The following ADGRV1 variants were observed in gnomAD, a reference collection of about 807,000 sequenced individuals.
ADGRV1 encodes adhesion G protein-coupled receptor V1.
A neutral mutation model predicts 596.2 loss-of-function variants in ADGRV1; 359 were observed. The observed-to-expected ratio is 0.60, with a 90% CI of 0.55 to 0.66. ADGRV1 has a LOEUF of 0.66. Ranked by LOEUF, ADGRV1 falls within the 30% of genes least tolerant of loss-of-function variation. ADGRV1 has a pLI of 0.00. For synonymous variants in ADGRV1, 2,681 were observed against 2,679.2 expected (o/e 1.00, Z -0.02); for missense variants, 7,274 against 7,575.6 (o/e 0.96, Z 1.48).
At chr5:90,595,736 C>T in intron 1 of ADGRV1, among the ~76,000 whole-genome samples, 1 of 136,992 alleles carries the variant, frequency 7.3e-6, no homozygotes, top group Non-Finnish European at 1.6e-5. Context: ...GTAGGGGCGG[C>T]CGGGCAGAGG....
chr5:90,567,384 G>C lies in ADGRV1; in HGVS notation c.22+8467G>C, dbSNP rs1402303129. ...TATATTTTTAAGTTTGTGAAGGGTT[G>C]ATGTTAATTATTCCTTAAACATTTG... On this transcript the variant is annotated intron_variant, in intron 1 of 89. Transcript: ENST00000405460. Among the ~76,000 whole-genome samples, 5 of 152,020 alleles carry C rather than the reference G, an allele frequency of 3.3e-5. No individual in the cohort carries two copies. In the East Asian group the frequency reaches 9.6e-4, roughly 29 times the overall value.
intron 9 of ADGRV1, chr5:90,629,861 C>A (rs1026086521): frequency 5.5e-6 from 1 of 182,966 alleles, no homozygotes; most frequent in Non-Finnish European, 1.1e-5. Context: ...CAGGGGAGGG[C>A]GAGAGAAAGA....
chr5:90,762,933 TG>T (rs144413431), intron 58 of ADGRV1: 4,067 of 160,414 alleles, frequency 0.025, 181 homozygotes, highest in African/African-American at 0.093. Flanking sequence ...CTTGGGGTTA[TG>T]TCCTCTTCTA....
intron 21 of ADGRV1, among the ~76,000 whole-genome samples, chr5:90,660,593 G>A (rs966802697): frequency 1.3e-5 from 2 of 152,132 alleles, no homozygotes; most frequent in African/African-American, 2.4e-5. Context: ...CTCTGGGCTG[G>A]GCACAGTGGC....
intron 87 of ADGRV1, among the ~76,000 whole-genome samples, chr5:91,110,864 G>A (rs913922288): frequency 2.0e-5 from 3 of 151,222 alleles, no homozygotes; most frequent in African/African-American, 7.4e-5. Context: ...ATTCTCCAGA[G>A]TACTGTTTGA....
rs79556990 is a variant in ADGRV1 at position 91,085,652 on chromosome 5, A to G, written c.18310+13048A>G. On this transcript the variant is annotated intron_variant, in intron 86 of 89. Transcript: ENST00000405460. ...ATTCTCACCAAAGCCAGCTCTCCCA[A>G]TTGTGCCTTTCATCTGTTTTTCCTA... is the stretch of plus-strand genomic sequence containing the variant. 5.5e-3 allele frequency among the ~76,000 whole-genome samples: 833 copies of G among 152,176 alleles called. 6 individuals carry two copies. Among genetic ancestry groups the G allele is most frequent in the African/African-American group, 0.019 (795 of 41,506 alleles).
intron 4 of ADGRV1, among the ~76,000 whole-genome samples, chr5:90,622,014 C>T (rs1286837669): frequency 6.6e-6 from 1 of 152,190 alleles, no homozygotes; most frequent in Non-Finnish European, 1.5e-5. Flanking sequence ...GCAGCTGCTT[C>T]TGTAGCCTGT....
chr5:90,733,684 T>G (rs77475172), intron 50 of ADGRV1, among the ~76,000 whole-genome samples: 2,031 of 152,340 alleles, frequency 0.013, 38 homozygotes, highest in African/African-American at 0.046. Context: ...TATAATTATA[T>G]TACACATATT....
intron 85 of ADGRV1, among the ~76,000 whole-genome samples, chr5:91,042,540 T>C (rs1055786087): frequency 4.0e-5 from 6 of 150,684 alleles, no homozygotes; most frequent in African/African-American, 7.3e-5. Flanking sequence ...GTCTCTCTCT[T>C]TTTTTTTTAT....
At chr5:90,855,451 G>T (rs1222828907) in intron 81 of ADGRV1, among the ~76,000 whole-genome samples, 1 of 152,160 alleles carries the variant, frequency 6.6e-6, no homozygotes, top group Non-Finnish European at 1.5e-5. Flanking sequence ...AGGTTTGCTA[G>T]ATTAGGTAGG....
intron 89 of ADGRV1, among the ~76,000 whole-genome samples, chr5:91,156,666 G>T (rs1474983139): frequency 6.6e-6 from 1 of 152,086 alleles, no homozygotes; most frequent in Non-Finnish European, 1.5e-5. Context: ...TAGATTTGTA[G>T]AGTTCCCTGA....
chr5:90,981,089 C>T (rs1382950449), intron 84 of ADGRV1, among the ~76,000 whole-genome samples: 1 of 151,952 alleles, frequency 6.6e-6, no homozygotes, highest in Non-Finnish European at 1.5e-5. Context: ...ATAACATGTA[C>T]CCAAAGTGGT....
In ADGRV1 at chr5:90,810,778, C is replaced by T; in HGVS notation, c.15518C>T (p.Thr5173Ile). The change falls in exon 74 of 90, where the codon ACC (threonine) becomes ATC (isoleucine). Residue 5173 changes from threonine to isoleucine, a missense_variant. Around this residue, in one of 5 missense-constraint regions of ADGRV1, gnomAD observed 1,874 missense variants for 1,970.2 expected, o/e 0.95. Transcript: ENST00000405460. ...AAGACGACTACCATTCTGCAGCCAA[C>T]CAACGTGGTTGCCATTGTTACTGAG... ...TSKTTTILQP[T>I]NVVAIVTEAT... is the part of the protein sequence containing the mutation. 6.2e-7 allele frequency: 1 copy of T among 1,613,990 alleles called. No homozygotes were observed. The highest frequency in any genetic ancestry group is 8.5e-7 in the Non-Finnish European group (1 of 1,179,886).
At chr5:90,757,924 T>G (rs369520358) in intron 57 of ADGRV1, among the ~76,000 whole-genome samples, 2 of 152,178 alleles carry the variant, frequency 1.3e-5, no homozygotes, top group East Asian at 3.8e-4. Context: ...TTGTTGCTCA[T>G]GGGGGGCGGT....
chr5:90,815,847 G>C, intron 75 of ADGRV1, 111 bp downstream of exon 75: 1 of 647,172 alleles, frequency 1.5e-6, no homozygotes, highest in Non-Finnish European at 2.8e-6. Context: ...AGGTAGTGTC[G>C]AATTTGGCAC....
rs1017548979 is a variant in ADGRV1 at position 90,617,850 on chromosome 5, C to G, written c.254C>G (p.Ala85Gly). The change falls in exon 3 of 90, where the codon GCT (alanine) becomes GGT (glycine). Residue 85 changes from alanine to glycine, a missense_variant. Transcript: ENST00000405460. ...AGDFFDTYAA[A>G]FIPAGETNRT... ...GACTTTTTTGACACATATGCTGCAGCTTTTATACCTGCCGGAGAAACAAAC... is the reference window on the plus strand; with the variant it reads ...GACTTTTTTGACACATATGCTGCAGGTTTTATACCTGCCGGAGAAACAAAC... 6.2e-7 allele frequency: 1 copy of G among 1,600,256 alleles called. No individual in the cohort carries two copies. Among genetic ancestry groups the G allele is most frequent in the African/African-American group, 1.3e-5 (1 of 74,736 alleles).
intron 87 of ADGRV1, among the ~76,000 whole-genome samples, chr5:91,128,288 T>G (rs1428371180): frequency 6.6e-6 from 1 of 152,038 alleles, no homozygotes; most frequent in Non-Finnish European, 1.5e-5. Context: ...TGACTTAAGA[T>G]TTTTCAACTT....
intron 16 of ADGRV1, 79 bp downstream of exon 16, chr5:90,646,170 A>G (rs1767731544): frequency 1.1e-6 from 1 of 929,100 alleles, no homozygotes; most frequent in Non-Finnish European, 1.5e-6. Context: ...ACGTGCATAT[A>G]TACATTTATA....
chr5:91,062,639 G>A (rs1211324012), intron 85 of ADGRV1, among the ~76,000 whole-genome samples: 5 of 152,070 alleles, frequency 3.3e-5, no homozygotes, highest in South Asian at 2.1e-4. Flanking sequence ...GCAGATCTGC[G>A]GTATCCTCTG....
Sources: gnomAD v4.1 joint callset for allele counts (sites outside exome capture counted in the v4.1 genomes callset) on GRCh38, gnomAD v4.1.1 for gene constraint, gnomAD v4.1.1 regional missense constraint, MANE v1.5 for transcripts, NCBI Gene and HGNC (gene_info 2026-07-23, HGNC 2026-07-21) for gene names.